The following ADCY2 variants were observed in gnomAD, a reference collection of about 807,000 sequenced individuals.
ADCY2 encodes adenylate cyclase type 2.
A neutral mutation model predicts 125.2 loss-of-function variants in ADCY2; 31 were observed. The ratio of observed to expected loss-of-function variants is 0.25; its 90% confidence interval spans 0.19 to 0.33. ADCY2 has a LOEUF of 0.33. ADCY2 is among the 10% of genes least tolerant of loss of function. The pLI is 1.00. For missense variants in ADCY2, 904 were observed against 1,418.2 expected, an observed-to-expected ratio of 0.64 and a Z score of 5.82; for synonymous variants, 512 against 548.4, an observed-to-expected ratio of 0.93 and a Z score of 0.93.
intron 3 of ADCY2, among the ~76,000 whole-genome samples, chr5:7,560,582 T>A (rs907561233): frequency 6.6e-5 from 10 of 152,194 alleles, no homozygotes; most frequent in African/African-American, 2.2e-4. Context: ...TGAGCTTTAT[T>A]TTTTTGAAAT....
At chr5:7,430,300 T>G (rs1740540246) in intron 2 of ADCY2, among the ~76,000 whole-genome samples, 1 of 151,920 alleles carries the variant, frequency 6.6e-6, no homozygotes, top group Non-Finnish European at 1.5e-5. Flanking sequence ...ATCTCAATTC[T>G]ACAGAAATTC....
intron 1 of ADCY2, among the ~76,000 whole-genome samples, chr5:7,410,702 T>C (rs535622031): frequency 2.6e-4 from 40 of 152,326 alleles, no homozygotes; most frequent in African/African-American, 9.1e-4. Context: ...TAAAAGGATT[T>C]TAGTACATTT....
At chr5:7,693,413 G>GTTGTTTTTTTTTTTTTTTT (rs1740779352) in intron 5 of ADCY2, among the ~76,000 whole-genome samples, 2 of 32,412 alleles carry the variant, frequency 6.2e-5, no homozygotes, top group African/African-American at 1.3e-4. Context: ...GCTGTTTTTT[G>GTTGTTTTTTTTTTTTTTTT]TTTTTTTTTT....
intron 16 of ADCY2, among the ~76,000 whole-genome samples, chr5:7,763,540 T>A (rs920565908): frequency 6.6e-6 from 1 of 152,228 alleles, no homozygotes; most frequent in African/African-American, 2.4e-5. Context: ...TCATTTTCCC[T>A]ACAGCAACTG....
At chr5:7,752,631 A>G (rs1238897925) in intron 15 of ADCY2, among the ~76,000 whole-genome samples, 1 of 152,058 alleles carries the variant, frequency 6.6e-6, no homozygotes, top group Non-Finnish European at 1.5e-5. Flanking sequence ...TTTTAGAGTG[A>G]AAAATTTAGA....
At chr5:7,552,988 G>A (rs968078487) in intron 3 of ADCY2, among the ~76,000 whole-genome samples, 8 of 152,176 alleles carry the variant, frequency 5.3e-5, no homozygotes, top group African/African-American at 1.9e-4. Flanking sequence ...CAGGGGACAG[G>A]TTAGCTATTG....
In ADCY2 at chr5:7,592,191, G is replaced by A. The variant is rs950299939; in HGVS notation, c.571-33976G>A. Among the ~76,000 whole-genome samples the A allele has an allele frequency of 7.9e-5, 12 of 152,162 alleles. No individual in the cohort carries two copies. In the South Asian group the frequency reaches 1.2e-3, roughly 16 times the overall value. ...CATTGCCAATATTACAAAGAGGGTC[G>A]CCTAAATAGTTATTAGTGTATTTTT... On this transcript the variant is annotated intron_variant, in intron 3 of 24. Transcript: ENST00000338316.
intron 22 of ADCY2, among the ~76,000 whole-genome samples, chr5:7,806,834 AT>A (rs1299364227): frequency 6.6e-6 from 1 of 152,130 alleles, no homozygotes; most frequent in Non-Finnish European, 1.5e-5. Context: ...AAATTTCATT[AT>A]TTTAGTTCAT....
At chr5:7,666,220 G>A (rs1484708808) in intron 4 of ADCY2, among the ~76,000 whole-genome samples, 6 of 151,886 alleles carry the variant, frequency 4.0e-5, no homozygotes, top group African/African-American at 9.7e-5. Context: ...GTATACCACC[G>A]ACATGTTAAA....
intron 4 of ADCY2, among the ~76,000 whole-genome samples, chr5:7,670,743 C>T (rs917643854): frequency 2.0e-5 from 3 of 152,132 alleles, no homozygotes; most frequent in Admixed American, 6.5e-5. Context: ...AGATCCCTCC[C>T]GTGCACAGTT....
At chr5:7,766,976 C>T (rs533962545) in intron 17 of ADCY2, among the ~76,000 whole-genome samples, 170 bp downstream of exon 17, 57 of 152,270 alleles carry the variant, frequency 3.7e-4, no homozygotes, top group Non-Finnish European at 6.6e-4. Flanking sequence ...GAAGTCTGGG[C>T]CCTTGGGAAC....
chr5:7,559,481 G>A (rs905183646), intron 3 of ADCY2, among the ~76,000 whole-genome samples: 5 of 152,074 alleles, frequency 3.3e-5, no homozygotes, highest in African/African-American at 4.8e-5. Context: ...CAGCTTGACC[G>A]TTGTTGGTGT....
At chr5:7,783,728 G>A (rs1258827407) in intron 18 of ADCY2, among the ~76,000 whole-genome samples, 2 of 152,308 alleles carry the variant, frequency 1.3e-5, no homozygotes, top group Non-Finnish European at 2.9e-5. Flanking sequence ...TCACTGCCTG[G>A]AATGTGATAG....
chr5:7,561,227 G>A (rs1735697382), intron 3 of ADCY2, among the ~76,000 whole-genome samples: 1 of 152,114 alleles, frequency 6.6e-6, no homozygotes. Context: ...GTCATGAATT[G>A]TTTGATGGCA....
At chr5:7,717,651 G>T (rs905688559) in intron 12 of ADCY2, among the ~76,000 whole-genome samples, 1 of 152,194 alleles carries the variant, frequency 6.6e-6, no homozygotes, top group South Asian at 2.1e-4. Context: ...TCCTAGAAGA[G>T]AATTAGCATT....
rs533404534 is a variant in ADCY2, at chr5:7,520,951, G to A, written c.570+52G>A. On this transcript the variant is annotated intron_variant, in intron 3 of 24. Coordinates refer to ENST00000338316, the MANE Select transcript of ADCY2 (RefSeq NM_020546.3). ...AATGACTTTCCACATCCCACCAGGG[G>A]GTGAGGCAGGTGCTGCTGGCCCATT... The A allele has an allele frequency of 2.3e-5, 37 of 1,602,666 alleles. No homozygotes were observed. The South Asian group carries it at 4.1e-4, about 18-fold the overall frequency.
intron 2 of ADCY2, among the ~76,000 whole-genome samples, chr5:7,465,837 G>T (rs1397014282): frequency 2.0e-5 from 3 of 152,096 alleles, no homozygotes. Context: ...GGCTATCTTG[G>T]GAGTTTCATT....
At chr5:7,647,424 G>A (rs1418142274) in intron 4 of ADCY2, among the ~76,000 whole-genome samples, 1 of 152,152 alleles carries the variant, frequency 6.6e-6, no homozygotes, top group African/African-American at 2.4e-5. Context: ...ACTTAGAGCA[G>A]GCTTAGCAGC....
intron 3 of ADCY2, among the ~76,000 whole-genome samples, chr5:7,570,346 T>A (rs1467352437): frequency 6.6e-6 from 1 of 152,182 alleles, no homozygotes; most frequent in Non-Finnish European, 1.5e-5. Context: ...TTTAACATCC[T>A]ATAATTTTGT....
Sources: gnomAD v4.1 joint callset for allele counts (sites outside exome capture counted in the v4.1 genomes callset) on GRCh38, gnomAD v4.1.1 for gene constraint, MANE v1.5 for transcripts, NCBI Gene and HGNC (gene_info 2026-07-23, HGNC 2026-07-21) for gene names.